Variants in LYPLAL1 observed in about 807,000 individuals in gnomAD.
LYPLAL1 encodes the protein lysophospholipase-like protein 1.
LYPLAL1 carries 23 observed loss-of-function variants against 19.7 expected under a neutral mutation model. That is an observed-to-expected ratio of 1.17 (90% confidence interval 0.84 to 1.65). The LOEUF is 1.65. Among genes scored for constraint, LYPLAL1 ranks in the 40% most tolerant of loss-of-function variants. LYPLAL1 has a pLI of 0.00. For synonymous variants in LYPLAL1, 119 were observed against 96.3 expected, an observed-to-expected ratio of 1.24 and a Z score of -1.38; for missense variants, 355 against 279.4, an observed-to-expected ratio of 1.27 and a Z score of -1.93.
the LYPLAL1 span, among the ~76,000 whole-genome samples, chr1:219,429,687 G>C: frequency 1.3e-5 from 2 of 152,002 alleles, no homozygotes; most frequent in African/African-American, 4.8e-5. Context: ...AAATAAGAAA[G>C]AAATTCCCAG....
the LYPLAL1 span, among the ~76,000 whole-genome samples, chr1:219,405,965 T>C: frequency 6.6e-6 from 1 of 152,216 alleles, no homozygotes; most frequent in Non-Finnish European, 1.5e-5. Flanking sequence ...TTGGAATGCC[T>C]TGCAAGTCTA....
chr1:219,417,459 A>T, the LYPLAL1 span, among the ~76,000 whole-genome samples: 4 of 152,354 alleles, frequency 2.6e-5, no homozygotes, highest in South Asian at 8.3e-4. Flanking sequence ...GAGATCTTTG[A>T]GGGCTATCAT....
chr1:219,293,840 C>T, the LYPLAL1 span, among the ~76,000 whole-genome samples: 1 of 152,192 alleles, frequency 6.6e-6, no homozygotes, highest in Non-Finnish European at 1.5e-5. Flanking sequence ...ATCAGAACCT[C>T]AAGTTTAAGG....
intron 1 of LYPLAL1, among the ~76,000 whole-genome samples, chr1:219,174,489 G>C (rs1007526785): frequency 2.0e-5 from 3 of 152,128 alleles, no homozygotes; most frequent in African/African-American, 4.8e-5. Flanking sequence ...GCCATGGCTG[G>C]AGTGCTTTCT....
the LYPLAL1 span, among the ~76,000 whole-genome samples, chr1:219,425,984 A>C: frequency 6.6e-6 from 1 of 152,224 alleles, no homozygotes; most frequent in African/African-American, 2.4e-5. Flanking sequence ...TGTTCTAAAG[A>C]ACCAACTAAA....
intron 3 of LYPLAL1, among the ~76,000 whole-genome samples, chr1:219,205,809 T>C (rs1295097206): frequency 6.6e-6 from 1 of 152,228 alleles, no homozygotes; most frequent in Non-Finnish European, 1.5e-5. Flanking sequence ...TGAACATATA[T>C]GTATTTTAAT....
the LYPLAL1 span, among the ~76,000 whole-genome samples, chr1:219,242,613 C>T: frequency 6.6e-6 from 1 of 151,934 alleles, no homozygotes; most frequent in African/African-American, 2.4e-5. Context: ...GTCCCTGTTC[C>T]ATCATTGTGT....
the LYPLAL1 span, among the ~76,000 whole-genome samples, chr1:219,230,463 GA>G: frequency 6.6e-6 from 1 of 152,188 alleles, no homozygotes; most frequent in Non-Finnish European, 1.5e-5. Context: ...CATTGGTCAA[GA>G]CAAAATTAGT....
the LYPLAL1 span, among the ~76,000 whole-genome samples, chr1:219,228,363 A>G: frequency 6.6e-6 from 1 of 152,164 alleles, no homozygotes; most frequent in Non-Finnish European, 1.5e-5. Context: ...CCCGAATGTA[A>G]TTAGATTCTG....
chr1:219,223,207 A>C, the LYPLAL1 span: 19 of 152,048 alleles, frequency 1.2e-4, no homozygotes, highest in African/African-American at 3.9e-4. Flanking sequence ...AAGTAGCAAC[A>C]AATAGGACAC....
the LYPLAL1 span, among the ~76,000 whole-genome samples, chr1:219,240,234 T>C: frequency 1.3e-5 from 2 of 152,174 alleles, no homozygotes; most frequent in African/African-American, 4.8e-5. Context: ...GTGAAGTATG[T>C]CATGGAAATG....
At chr1:219,380,929 G>A in the LYPLAL1 span, among the ~76,000 whole-genome samples, 1 of 152,122 alleles carries the variant, frequency 6.6e-6, no homozygotes, top group Non-Finnish European at 1.5e-5. Context: ...ATTTGACCCA[G>A]GGGCCATAGT....
intron 2 of LYPLAL1, among the ~76,000 whole-genome samples, chr1:219,190,628 A>AAAAAAC (rs1212168722): frequency 4.7e-5 from 7 of 149,894 alleles, no homozygotes; most frequent in Admixed American, 1.3e-4. Flanking sequence ...CCAGTAAAAA[A>AAAAAAC]AAAAAAAAAA....
the LYPLAL1 span, among the ~76,000 whole-genome samples, chr1:219,355,499 TTCTG>T: frequency 4.6e-5 from 7 of 152,328 alleles, no homozygotes; most frequent in Non-Finnish European, 8.8e-5. Flanking sequence ...AAGATTGTCA[TTCTG>T]TATCAAAAAA....
At chr1:219,329,834 C>T in the LYPLAL1 span, among the ~76,000 whole-genome samples, 1 of 152,178 alleles carries the variant, frequency 6.6e-6, no homozygotes, top group African/African-American at 2.4e-5. Context: ...GCAGGAAACT[C>T]TAGAACCTGT....
At chr1:219,288,227 A>C in the LYPLAL1 span, among the ~76,000 whole-genome samples, 1 of 152,218 alleles carries the variant, frequency 6.6e-6, no homozygotes, top group African/African-American at 2.4e-5. Context: ...GATGTTCTTC[A>C]GTAGGTGAAT....
intron 3 of LYPLAL1, among the ~76,000 whole-genome samples, chr1:219,204,168 A>G (rs367904566): frequency 5.0e-4 from 76 of 152,306 alleles, no homozygotes; most frequent in Middle Eastern, 3.4e-3. Context: ...TTATTTTTGT[A>G]TATTTATGTT....
chr1:219,252,908 G>A, the LYPLAL1 span, among the ~76,000 whole-genome samples: 2 of 152,004 alleles, frequency 1.3e-5, no homozygotes, highest in African/African-American at 4.8e-5. Flanking sequence ...GAATCCGTCA[G>A]GTCCCAGGCT....
At chr1:219,295,076 A>G in the LYPLAL1 span, among the ~76,000 whole-genome samples, 1 of 152,112 alleles carries the variant, frequency 6.6e-6, no homozygotes, top group Admixed American at 6.5e-5. Context: ...TCCTGAAAGC[A>G]GCTCTGGGCA....
Sources: allele counts gnomAD v4.1 joint callset (sites outside exome capture counted in the v4.1 genomes callset), GRCh38; gene constraint gnomAD v4.1.1; transcripts MANE v1.5; gene names NCBI Gene and HGNC (gene_info 2026-07-23, HGNC 2026-07-21).